ANKRD36: variants seen among roughly 807,000 people sequenced by gnomAD.
ANKRD36 encodes ankyrin repeat domain-containing protein 36A.
ANKRD36 carries 179 observed loss-of-function variants against 278.1 expected under a neutral mutation model. That is an observed-to-expected ratio of 0.64 (90% confidence interval 0.57 to 0.73). The LOEUF (loss-of-function observed/expected upper bound fraction) is 0.73. Among genes scored for constraint, ANKRD36 ranks in the 30% least tolerant of loss-of-function variants. The probability of loss-of-function intolerance (pLI) is 0.00; values close to 1 mark genes in which losing one functional copy is unlikely to be tolerated. For synonymous variants in ANKRD36, 320 were observed against 641.1 expected (o/e 0.50, Z 7.57); for missense variants, 1,159 against 1,956.7 (o/e 0.59, Z 7.69).
rs745501631 is a variant in ANKRD36 at position 97,158,123 on chromosome 2, A to G, written c.1277A>G (p.Tyr426Cys). The part of the protein sequence containing the change: ...ALESENISEP[Y>C]FTNRRTISQQ... ...GTCTTCTAGAATATTTCAGAACCAT[A>G]CTTTACGAACAGAAGGACTATTTCT... is the stretch of plus-strand genomic sequence containing the variant. Residue 426 changes from tyrosine to cysteine, a missense_variant, in exon 16 of 76, where the codon TAC becomes TGC. Tyr to Cys is a radical substitution (Grantham distance 194). Transcript: ENST00000420699. The G allele has an allele frequency of 6.6e-7, 1 of 1,513,790 alleles. No individual in the cohort carries two copies. The allele number at this position is 1,513,790 out of a possible 1,614,324, so 93.8% of individuals were successfully genotyped here.
Position 97,118,462 on chromosome 2 carries a change from C to A in ANKRD36, c.431C>A (p.Thr144Lys), listed in dbSNP as rs1351706416. The stretch of plus-strand genomic sequence containing the variant: ...CACTACGCTGTGTATAATGAAGATA[C>A]ATCCATGATAGAAAAACTTCTTTCA... ...ALHYAVYNED[T>K]SMIEKLLSHG... Residue 144 changes from threonine (T) to lysine (K), a missense_variant, in exon 3 of 76, where the codon ACA becomes AAA. Transcript: ENST00000420699. 24 of 1,604,816 alleles carry A rather than the reference C, an allele frequency of 1.5e-5. No homozygotes were observed. Among genetic ancestry groups the A allele is most frequent in the Non-Finnish European group, 2.0e-5 (24 of 1,177,234 alleles).
Position 97,198,657 on chromosome 2 carries a change from A to T in ANKRD36, c.2754A>T (p.Arg918Ser). The change falls in exon 44 of 76, where the codon AGA (arginine) becomes AGT (serine). Residue 918 changes from arginine to serine, a missense_variant and splice_region_variant. Physicochemically the swap from Arg to Ser is moderately radical, Grantham distance 110. Transcript: ENST00000420699. ...RGKKDGEKTK[R>S]VSSRKKPSLE... is the part of the protein sequence containing the mutation. ...AAAAGGATGGAGAAAAAACTAAGAG[A>T]GGTAATTTTGAAAAGAGATTTAATG... 2 of 1,541,702 alleles carry T rather than the reference A, an allele frequency of 1.3e-6. No homozygotes were observed. The highest frequency in any genetic ancestry group is 1.8e-6 in the Non-Finnish European group (2 of 1,140,650).
Position 97,209,845 on chromosome 2 carries a change from A to T in ANKRD36, c.3340A>T (p.Lys1114Ter). ...KDSVLYIARE[K>*]KDGEKSRTVS... ...TTCTGTTTTGTATATAGCCAGAGAAAAAAAGGATGGAGAAAAATCTAGGAC... is the reference window on the plus strand; with the variant it reads ...TTCTGTTTTGTATATAGCCAGAGAATAAAAGGATGGAGAAAAATCTAGGAC... Residue 1114 changes from lysine to a stop codon, truncating the protein, a stop_gained, in exon 56 of 76, where the codon AAA becomes TAA. Coordinates refer to ENST00000420699, the MANE Select transcript of ANKRD36 (RefSeq NM_001354587.1). LOFTEE classifies it high-confidence loss of function. 1.3e-6 allele frequency: 2 copies of T among 1,592,198 alleles called. No homozygotes were observed. The highest frequency in any genetic ancestry group is 1.7e-6 in the Non-Finnish European group (2 of 1,172,050).
At chr2:97,128,447 A>G (rs1207259351) in intron 6 of ANKRD36, among the ~76,000 whole-genome samples, 1 of 151,124 alleles carries the variant, frequency 6.6e-6, no homozygotes, top group African/African-American at 2.4e-5. Context: ...CTAACAAGTA[A>G]GATTACTCAA....
At chr2:97,124,221 A>G (rs2037892391) in intron 4 of ANKRD36, among the ~76,000 whole-genome samples, 1 of 151,828 alleles carries the variant, frequency 6.6e-6, no homozygotes. Flanking sequence ...AAGGACTTTA[A>G]GTTAGCAACT....
chr2:97,173,845 T>G (rs1274240686), intron 22 of ANKRD36, among the ~76,000 whole-genome samples: 1 of 151,656 alleles, frequency 6.6e-6, no homozygotes, highest in African/African-American at 2.4e-5. Context: ...CAGTGATACA[T>G]GCTTTGTTCA....
chr2:97,184,501 A>G (rs1216755825), intron 28 of ANKRD36, among the ~76,000 whole-genome samples: 1 of 151,810 alleles, frequency 6.6e-6, no homozygotes, highest in Non-Finnish European at 1.5e-5. Context: ...AAATAATACT[A>G]AATGTATTAA....
intron 22 of ANKRD36, among the ~76,000 whole-genome samples, chr2:97,176,633 T>G (rs1398365135): frequency 1.3e-5 from 2 of 149,604 alleles, no homozygotes; most frequent in African/African-American, 4.9e-5. Flanking sequence ...ACATTTAAAG[T>G]TAATATTGTT....
At chr2:97,132,116 C>T (rs990432570) in intron 6 of ANKRD36, among the ~76,000 whole-genome samples, 5 of 151,492 alleles carry the variant, frequency 3.3e-5, no homozygotes, top group African/African-American at 4.9e-5. Context: ...TGTGAGCCAC[C>T]GCCCCCAGCC....
chr2:97,219,356 A>G, intron 66 of ANKRD36, 110 bp downstream of exon 66: 3 of 1,303,658 alleles, frequency 2.3e-6, no homozygotes, highest in Non-Finnish European at 3.1e-6. Flanking sequence ...TTATTTCAGG[A>G]TTTCATCTAA....
chr2:97,223,145 G>C (rs1305160508), intron 66 of ANKRD36, among the ~76,000 whole-genome samples: 1 of 130,076 alleles, frequency 7.7e-6, no homozygotes, highest in Non-Finnish European at 1.5e-5. Flanking sequence ...CTGTCTCCCA[G>C]CCTGGAGTGT....
intron 52 of ANKRD36, among the ~76,000 whole-genome samples, chr2:97,207,543 C>T (rs986479478): frequency 2.0e-5 from 3 of 151,538 alleles, no homozygotes; most frequent in Admixed American, 1.3e-4. Flanking sequence ...GGCATATCCA[C>T]GTTGATATTG....
At chr2:97,200,265 C>T in intron 44 of ANKRD36, 69 bp from the exon 45 acceptor site, 1 of 1,604,154 alleles carries the variant, frequency 6.2e-7, no homozygotes. Context: ...GATGCTAACA[C>T]TGTGTGAATC....
At chr2:97,220,452 T>G (rs375885828) in intron 66 of ANKRD36, among the ~76,000 whole-genome samples, 476 of 148,052 alleles carry the variant, frequency 3.2e-3, no homozygotes, top group East Asian at 0.014. Flanking sequence ...CTCTATTTTT[T>G]AAATTTCTCA....
chr2:97,194,874 G>T lies in ANKRD36; in HGVS notation c.2508G>T (p.Ser836=), dbSNP rs548165599. The change falls in exon 40 of 76, where the codon TCG becomes TCT. Residue 836 remains serine, a synonymous_variant. Coordinates refer to ENST00000420699, the MANE Select transcript of ANKRD36 (RefSeq NM_001354587.1). ...KATSDEKDSF[S]NITRGKKDGE... is the part of the protein sequence containing the mutation. ...CAAGTGATGAGAAGGATTCTTTTTC[G>T]AATATAACCAGAGGAAAAAAGGATG... 1.9e-6 allele frequency: 3 copies of T among 1,575,424 alleles called. No individual in the cohort carries two copies. Among genetic ancestry groups the T allele is most frequent in the Non-Finnish European group, 2.6e-6 (3 of 1,165,840 alleles).
At chr2:97,184,959 G>A (rs1575490288) in intron 28 of ANKRD36, among the ~76,000 whole-genome samples, 1 of 151,736 alleles carries the variant, frequency 6.6e-6, no homozygotes, top group Non-Finnish European at 1.5e-5. Flanking sequence ...AAGACATGGA[G>A]GATGATGTAG....
chr2:97,208,496 CATTTATATAA>C (rs980685994), intron 54 of ANKRD36, among the ~76,000 whole-genome samples: 4 of 146,230 alleles, frequency 2.7e-5, no homozygotes, highest in Non-Finnish European at 4.5e-5. Flanking sequence ...AAGAGGAAGT[CATTTATATAA>C]TTTTGGAGTT....
intron 66 of ANKRD36, among the ~76,000 whole-genome samples, chr2:97,221,806 G>T (rs1476581083): frequency 2.7e-3 from 398 of 146,380 alleles, no homozygotes; most frequent in African/African-American, 9.0e-3. Context: ...GTCAATTTTG[G>T]CTTTTGTTGC....
intron 44 of ANKRD36, among the ~76,000 whole-genome samples, chr2:97,199,966 A>G (rs1223960557): frequency 1.3e-5 from 2 of 151,868 alleles, no homozygotes; most frequent in Non-Finnish European, 2.9e-5. Flanking sequence ...CATGAAAGAC[A>G]TGTGGGATCA....
Sources: gnomAD v4.1 joint callset for allele counts (sites outside exome capture counted in the v4.1 genomes callset) on GRCh38, gnomAD v4.1.1 for gene constraint, MANE v1.5 for transcripts, NCBI Gene and HGNC (gene_info 2026-07-23, HGNC 2026-07-21) for gene names.